The following INSC variants were observed in gnomAD, a reference collection of about 807,000 sequenced individuals.
INSC encodes INSC spindle orientation adaptor protein.
INSC carries 67 observed loss-of-function variants against 58.6 expected under a neutral mutation model. That is an observed-to-expected ratio of 1.14 (90% CI 0.94 to 1.40). The LOEUF (loss-of-function observed/expected upper bound fraction) is 1.40. Ranked by LOEUF, INSC falls within the 40% of genes most tolerant of loss-of-function variation. The pLI is 0.00. For synonymous variants in INSC, 262 were observed against 276.1 expected (o/e 0.95, Z 0.51); for missense variants, 714 against 692.0 (o/e 1.03, Z -0.36).
chr11:15,155,472 T>C (rs1848783710), intron 2 of INSC, among the ~76,000 whole-genome samples: 1 of 152,236 alleles, frequency 6.6e-6, no homozygotes, highest in Admixed American at 6.5e-5. Flanking sequence ...AGAGTGCCTA[T>C]GAAGTACTGG....
the INSC span, among the ~76,000 whole-genome samples, chr11:15,253,004 T>C: frequency 6.6e-6 from 1 of 152,038 alleles, no homozygotes; most frequent in East Asian, 1.9e-4. Context: ...CCACTCCTTT[T>C]CCCTCTACTC....
chr11:15,119,281 C>G (rs1847810097), intron 1 of INSC, among the ~76,000 whole-genome samples: 1 of 152,142 alleles, frequency 6.6e-6, no homozygotes, highest in African/African-American at 2.4e-5. Context: ...GTGGGGATCT[C>G]TCCCTCTGTC....
intron 6 of INSC, among the ~76,000 whole-genome samples, chr11:15,198,312 CTCTT>C (rs1850445936): frequency 6.6e-6 from 1 of 152,180 alleles, no homozygotes; most frequent in Non-Finnish European, 1.5e-5. Flanking sequence ...GGACCAGAAT[CTCTT>C]TCTTTTGGAT....
chr11:15,203,576 G>A (rs192350671), intron 7 of INSC, among the ~76,000 whole-genome samples: 81 of 152,284 alleles, frequency 5.3e-4, no homozygotes, highest in Non-Finnish European at 9.4e-4. Flanking sequence ...AAATACTGAC[G>A]TCCAGAGAGG....
chr11:15,226,126 G>C (rs1438191447), intron 9 of INSC, among the ~76,000 whole-genome samples: 1 of 151,790 alleles, frequency 6.6e-6, no homozygotes, highest in Non-Finnish European at 1.5e-5. Context: ...TACCTGCTTT[G>C]CCCATCCCAA....
chr11:15,222,568 C>T (rs1472154002), intron 8 of INSC, among the ~76,000 whole-genome samples: 6 of 152,172 alleles, frequency 3.9e-5, no homozygotes, highest in East Asian at 1.9e-4. Flanking sequence ...AAGCCTGCGC[C>T]GGTACTGTGT....
chr11:15,250,634 C>G (rs1207252454), downstream of INSC, among the ~76,000 whole-genome samples: 1 of 152,224 alleles, frequency 6.6e-6, no homozygotes, highest in Non-Finnish European at 1.5e-5. Flanking sequence ...GAAAATTCAT[C>G]TGTTGGTCCT....
the INSC span, among the ~76,000 whole-genome samples, chr11:15,256,491 A>AGTTTTTTTTTTTTT: frequency 7.0e-6 from 1 of 141,976 alleles, no homozygotes; most frequent in African/African-American, 2.6e-5. Flanking sequence ...ATTTCATTTC[A>AGTTTTTTTTTTTTT]TTTTTTTTTT....
At chr11:15,113,143 TTCTG>T (rs1847614010), upstream of INSC, among the ~76,000 whole-genome samples, 1 of 98,642 alleles carries the variant, frequency 1.0e-5, no homozygotes, top group African/African-American at 3.5e-5. Flanking sequence ...CTTTCTTTCT[TTCTG>T]TCTCTCTCTC....
chr11:15,112,441 T>G, upstream of INSC: 1 of 1,572,488 alleles, frequency 6.4e-7, no homozygotes, highest in Non-Finnish European at 8.6e-7. Context: ...GTAAGGAGAC[T>G]TGGAGTCGCT....
intron 1 of INSC, among the ~76,000 whole-genome samples, chr11:15,128,641 G>T (rs1229388799): frequency 6.6e-6 from 1 of 152,138 alleles, no homozygotes. Context: ...AGGGCTTGTG[G>T]GATTCACCAG....
At chr11:15,175,124 T>G (rs1454295729) in intron 2 of INSC, among the ~76,000 whole-genome samples, 1 of 152,228 alleles carries the variant, frequency 6.6e-6, no homozygotes, top group Non-Finnish European at 1.5e-5. Flanking sequence ...AAAAAGACTT[T>G]AGTTACATTA....
chr11:15,204,234 G>T (rs890080803), intron 7 of INSC, among the ~76,000 whole-genome samples: 3 of 152,216 alleles, frequency 2.0e-5, no homozygotes, highest in African/African-American at 7.2e-5. Context: ...GCTTACAGAA[G>T]AAAGGGAGAC....
chr11:15,148,497 G>T (rs1046729695), intron 1 of INSC, among the ~76,000 whole-genome samples: 1 of 152,216 alleles, frequency 6.6e-6, no homozygotes, highest in East Asian at 1.9e-4. Context: ...GAGAAAGAAC[G>T]CTTTTCCTAG....
At chr11:15,123,099 T>C (rs1847912688) in intron 1 of INSC, among the ~76,000 whole-genome samples, 1 of 152,194 alleles carries the variant, frequency 6.6e-6, no homozygotes, top group African/African-American at 2.4e-5. Context: ...TTGTATTTGC[T>C]GTTCCTCTGC....
chr11:15,244,482 G>A (rs992645466), intron 12 of INSC, among the ~76,000 whole-genome samples: 6 of 152,134 alleles, frequency 3.9e-5, no homozygotes, highest in Non-Finnish European at 8.8e-5. Flanking sequence ...TGATTTCTCA[G>A]CAACAGGCTA....
chr11:15,236,677 C>T (rs1213982787), intron 10 of INSC, among the ~76,000 whole-genome samples: 1 of 152,198 alleles, frequency 6.6e-6, no homozygotes, highest in Non-Finnish European at 1.5e-5. Flanking sequence ...ATGGTGAGGG[C>T]TTCCTGTGAC....
chr11:15,265,198 TC>T, the INSC span, among the ~76,000 whole-genome samples: 1 of 152,128 alleles, frequency 6.6e-6, no homozygotes, highest in African/African-American at 2.4e-5. Flanking sequence ...TATTCTAAGG[TC>T]TTTATATTTG....
chr11:15,265,543 T>C, the INSC span, among the ~76,000 whole-genome samples: 6 of 151,842 alleles, frequency 4.0e-5, no homozygotes, highest in Non-Finnish European at 8.8e-5. Context: ...TTAATTCGTG[T>C]TTCAATTACT....
Sources: allele counts gnomAD v4.1 joint callset (sites outside exome capture counted in the v4.1 genomes callset), GRCh38; gene constraint gnomAD v4.1.1; transcripts MANE v1.5; gene names NCBI Gene and HGNC (gene_info 2026-07-23, HGNC 2026-07-21).